Variants in GABRG3 observed in about 807,000 individuals in gnomAD.
The protein encoded by GABRG3 is gamma-aminobutyric acid type A receptor subunit gamma3.
GABRG3 carries 25 observed loss-of-function variants against 48.8 expected under a neutral mutation model. That is an observed-to-expected ratio of 0.51 (90% confidence interval 0.37 to 0.72). GABRG3 has a LOEUF of 0.72. Among genes scored for constraint, GABRG3 ranks in the 30% least tolerant of loss-of-function variants. The pLI, the probability that GABRG3 is intolerant of heterozygous loss-of-function variation, is 0.00. For synonymous variants in GABRG3, 227 were observed against 217.6 expected (o/e 1.04, Z -0.38); for missense variants, 394 against 577.9 (o/e 0.68, Z 3.26).
chr15:27,229,513 GT>G (rs1889733453), intron 3 of GABRG3, among the ~76,000 whole-genome samples: 1 of 151,882 alleles, frequency 6.6e-6, no homozygotes, highest in Non-Finnish European at 1.5e-5. Context: ...GTCTCACTCT[GT>G]CACTCAGGCT....
intron 3 of GABRG3, among the ~76,000 whole-genome samples, chr15:27,137,079 G>A (rs1266096605): frequency 6.6e-6 from 1 of 152,204 alleles, no homozygotes; most frequent in Non-Finnish European, 1.5e-5. Context: ...GCCTATAAAA[G>A]GTTCCCTGTT....
chr15:27,402,667 C>A (rs539780180), intron 5 of GABRG3, among the ~76,000 whole-genome samples: 17 of 152,196 alleles, frequency 1.1e-4, no homozygotes, highest in African/African-American at 4.1e-4. Flanking sequence ...TCCTAGTTAC[C>A]CAGAATGAAA....
At chr15:27,021,460 G>A (rs1472464164) in intron 2 of GABRG3, among the ~76,000 whole-genome samples, 4 of 152,064 alleles carry the variant, frequency 2.6e-5, no homozygotes, top group African/African-American at 9.7e-5. Context: ...TACAAGGTAG[G>A]GATTCAGAGA....
chr15:27,490,769 A>G (rs556214429), intron 6 of GABRG3, among the ~76,000 whole-genome samples: 3 of 152,232 alleles, frequency 2.0e-5, no homozygotes, highest in African/African-American at 7.2e-5. Flanking sequence ...CTCAGTTCCC[A>G]CTTCGCTCTC....
At chr15:27,482,189 A>T (rs1032526243) in intron 6 of GABRG3, among the ~76,000 whole-genome samples, 1 of 152,192 alleles carries the variant, frequency 6.6e-6, no homozygotes, top group Non-Finnish European at 1.5e-5. Context: ...CGAAATTATA[A>T]TCAATCTCTA....
At chr15:27,343,505 G>A (rs544576167) in intron 5 of GABRG3, among the ~76,000 whole-genome samples, 1 of 152,328 alleles carries the variant, frequency 6.6e-6, no homozygotes, top group South Asian at 2.1e-4. Context: ...TGATTTTGGA[G>A]GTTAGGGAGC....
intron 3 of GABRG3, among the ~76,000 whole-genome samples, chr15:27,248,820 AG>A (rs1890353581): frequency 7.0e-6 from 1 of 142,938 alleles, no homozygotes; most frequent in African/African-American, 2.6e-5. Flanking sequence ...AGAGAGAGAG[AG>A]AGAGAGAGAG....
At chr15:27,499,574 GA>G (rs1890569530) in intron 6 of GABRG3, among the ~76,000 whole-genome samples, 1 of 152,196 alleles carries the variant, frequency 6.6e-6, no homozygotes, top group African/African-American at 2.4e-5. Flanking sequence ...GTACAGTTCT[GA>G]GAATATTTGA....
At chr15:27,506,709 T>G (rs1890768479) in intron 6 of GABRG3, among the ~76,000 whole-genome samples, 1 of 152,366 alleles carries the variant, frequency 6.6e-6, no homozygotes, top group African/African-American at 2.4e-5. Context: ...CTTAAAACAC[T>G]ACATCTGCAA....
Position 27,323,920 on chromosome 15 carries a change from A to C in GABRG3, c.271-2889A>C, listed in dbSNP as rs114280569. Among the ~76,000 whole-genome samples the C allele has an allele frequency of 5.1e-3, 780 of 152,278 alleles. 6 individuals carry two copies. Among genetic ancestry groups the C allele is most frequent in the African/African-American group, 0.018 (753 of 41,562 alleles). On this transcript the variant is annotated intron_variant, in intron 3 of 9. Coordinates refer to ENST00000615808, the MANE Select transcript of GABRG3 (RefSeq NM_033223.5). ...GGGCCTGAATGGGTGAGCAGGTCCC[A>C]CATGGGCTCTTCCAGGGCCCTCCGA...
At chr15:27,501,549 C>T (rs1401983015) in intron 6 of GABRG3, among the ~76,000 whole-genome samples, 1 of 152,124 alleles carries the variant, frequency 6.6e-6, no homozygotes, top group East Asian at 1.9e-4. Flanking sequence ...CTGCAATCTA[C>T]TGCATTTAAG....
chr15:27,016,722 ATGC>A (rs1363885243), intron 2 of GABRG3, among the ~76,000 whole-genome samples: 32 of 152,148 alleles, frequency 2.1e-4, no homozygotes, highest in African/African-American at 7.7e-4. Context: ...AATTCGCATA[ATGC>A]ATATGTTATT....
intron 3 of GABRG3, among the ~76,000 whole-genome samples, chr15:27,282,140 T>C (rs1566992463): frequency 6.6e-6 from 1 of 152,204 alleles, no homozygotes; most frequent in South Asian, 2.1e-4. Context: ...TCAGCTGCTT[T>C]CAATATTCTC....
At chr15:27,192,851 C>T (rs1294842774) in intron 3 of GABRG3, among the ~76,000 whole-genome samples, 1 of 152,182 alleles carries the variant, frequency 6.6e-6, no homozygotes, top group African/African-American at 2.4e-5. Context: ...GTGGTTTTAT[C>T]TGCTTTTGGT....
intron 3 of GABRG3, among the ~76,000 whole-genome samples, chr15:27,244,917 G>A (rs1199512348): frequency 6.6e-6 from 1 of 152,148 alleles, no homozygotes; most frequent in Non-Finnish European, 1.5e-5. Flanking sequence ...TAGCAACAGT[G>A]TGTATGGGGT....
At position 27,532,928 on chromosome 15, in the gene GABRG3, C is replaced by CAA. The variant is rs1891464327; in HGVS notation, c.*47_*48insAA. ...GAAGAGCATTTGGTACACACTTGAC[C>CAA]TTCTGTCGTCCCCAGACCAGTAGTG... On this transcript the variant is annotated 3_prime_UTR_variant, in exon 10 of 10. Coordinates refer to ENST00000615808, the MANE Select transcript of GABRG3 (RefSeq NM_033223.5). 1 of 1,573,462 alleles carries CAA rather than the reference C, an allele frequency of 6.4e-7. No homozygotes were observed. Among genetic ancestry groups the CAA allele is most frequent in the Non-Finnish European group, 8.6e-7 (1 of 1,156,518 alleles).
intron 6 of GABRG3, among the ~76,000 whole-genome samples, chr15:27,508,989 G>A (rs901723324): frequency 9.9e-5 from 15 of 152,004 alleles, no homozygotes; most frequent in Admixed American, 8.5e-4. Flanking sequence ...AAAGTGCTGG[G>A]ATTATAGGCT....
chr15:27,084,085 C>T (rs1448778527), intron 3 of GABRG3, among the ~76,000 whole-genome samples: 1 of 152,210 alleles, frequency 6.6e-6, no homozygotes. Flanking sequence ...TCCCAGTAGG[C>T]AAACGTTTCA....
intron 5 of GABRG3, among the ~76,000 whole-genome samples, chr15:27,360,585 C>A (rs758521932): frequency 6.6e-6 from 1 of 152,152 alleles, no homozygotes; most frequent in African/African-American, 2.4e-5. Context: ...TTCCCCAATC[C>A]GAGATGGGCC....
Sources: gnomAD v4.1 joint callset for allele counts (sites outside exome capture counted in the v4.1 genomes callset) on GRCh38, gnomAD v4.1.1 for gene constraint, MANE v1.5 for transcripts, NCBI Gene and HGNC (gene_info 2026-07-23, HGNC 2026-07-21) for gene names.